Variants in SMCHD1 observed in about 807,000 individuals in gnomAD.
SMCHD1 encodes structural maintenance of chromosomes flexible hinge domain containing 1.
In SMCHD1, 78 loss-of-function variants were observed where a neutral mutation model predicts 254.7. That is an observed-to-expected ratio of 0.31 (90% confidence interval 0.26 to 0.37). SMCHD1 has a LOEUF of 0.37. Ranked by LOEUF, SMCHD1 falls within the 10% of genes least tolerant of loss-of-function variation. SMCHD1 has a pLI of 1.00. For missense variants in SMCHD1, 1,840 were observed against 2,408.1 expected (o/e 0.76, Z 4.94); for synonymous variants, 766 against 794.9 (o/e 0.96, Z 0.61).
At chr18:2,667,597 A>T (rs1298428984) in intron 3 of SMCHD1, among the ~76,000 whole-genome samples, 1 of 152,158 alleles carries the variant, frequency 6.6e-6, no homozygotes, top group Non-Finnish European at 1.5e-5. Context: ...TTGTATTAAA[A>T]TTATTTTTTT....
intron 5 of SMCHD1, among the ~76,000 whole-genome samples, chr18:2,686,632 GT>G: frequency 6.6e-6 from 1 of 152,022 alleles, no homozygotes; most frequent in Non-Finnish European, 1.5e-5. Context: ...GTGTGTTTGT[GT>G]ATTGTGTGAG....
At position 2,744,377 on chromosome 18, in the gene SMCHD1, A is replaced by G. The variant is rs75403082; in HGVS notation, c.3801+449A>G. On this transcript the variant is annotated intron_variant, in intron 29 of 47. Coordinates refer to ENST00000320876, the MANE Select transcript of SMCHD1 (RefSeq NM_015295.3). ...ATACTTCGGTATGCCTTCCTATGCA[A>G]GTACTTAAATTTTAAATACTAATTT... is the stretch of plus-strand genomic sequence containing the variant. Among the ~76,000 whole-genome samples, 944 of 152,226 alleles carry G rather than the reference A, an allele frequency of 6.2e-3. 9 individuals are homozygous for G. Among genetic ancestry groups the G allele is most frequent in the African/African-American group, 0.022 (896 of 41,540 alleles).
At position 2,743,944 on chromosome 18, in the gene SMCHD1, T is replaced by C. The variant is rs771051502; in HGVS notation, c.3801+16T>C. 1 of 1,576,338 alleles carries C rather than the reference T, an allele frequency of 6.3e-7. No homozygotes were observed. Among genetic ancestry groups the C allele is most frequent in the Non-Finnish European group, 8.6e-7 (1 of 1,160,884 alleles). ...ACTAAAGGAGGTAAGTCACTTCATG[T>C]CTTCACTGAAAGAATTTAATATCAT... On this transcript the variant is annotated intron_variant, in intron 29 of 47. Coordinates refer to ENST00000320876, the MANE Select transcript of SMCHD1 (RefSeq NM_015295.3).
chr18:2,784,288 A>C (rs1440556529), intron 44 of SMCHD1, among the ~76,000 whole-genome samples, 162 bp from the exon 45 acceptor site: 1 of 152,082 alleles, frequency 6.6e-6, no homozygotes, highest in Non-Finnish European at 1.5e-5. Context: ...CTGCCTCTGG[A>C]TTTTTCCCTC....
At chr18:2,708,984 A>G (rs1411166641) in intron 17 of SMCHD1, among the ~76,000 whole-genome samples, 2 of 143,664 alleles carry the variant, frequency 1.4e-5, no homozygotes, top group East Asian at 2.1e-4. Context: ...CTATCCATGT[A>G]AAGCATTTTT....
intron 1 of SMCHD1, among the ~76,000 whole-genome samples, chr18:2,662,180 A>AAAT (rs377757842): frequency 4.5e-5 from 4 of 89,868 alleles, no homozygotes; most frequent in African/African-American, 6.2e-5. Flanking sequence ...AAAAAAAAAT[A>AAAT]AAATAAATAA....
chr18:2,752,801 T>C (rs2075599872), intron 34 of SMCHD1: 1 of 367,276 alleles, frequency 2.7e-6, no homozygotes, highest in Non-Finnish European at 5.0e-6. Context: ...AAGAATTCTT[T>C]TATGTTGTCA....
intron 15 of SMCHD1, chr18:2,706,697 G>T: frequency 2.6e-6 from 1 of 382,134 alleles, no homozygotes; most frequent in Non-Finnish European, 4.8e-6. Context: ...TATCTAAAGT[G>T]TCACTTTTAT....
At chr18:2,755,010 T>G (rs1195909983) in intron 34 of SMCHD1, among the ~76,000 whole-genome samples, 1 of 152,118 alleles carries the variant, frequency 6.6e-6, no homozygotes, top group African/African-American at 2.4e-5. Flanking sequence ...ATATTGACCT[T>G]GTAGCAGTTA....
intron 35 of SMCHD1, among the ~76,000 whole-genome samples, 187 bp downstream of exon 35, chr18:2,760,926 A>G (rs1341768813): frequency 6.6e-6 from 1 of 152,216 alleles, no homozygotes. Context: ...AAATTAGTAT[A>G]TAATATGTTT....
rs1008517374 is a variant in SMCHD1 at position 2,777,835 on chromosome 18, T to G, written c.5396T>G (p.Leu1799Trp). The stretch of plus-strand genomic sequence containing the variant: ...CTACCTCATTTCCGAAATGGAAAAT[T>G]GTATTTTAAACCCATTGGAGATCCA... ...RSLPHFRNGKLYFKPIGDPVF... is the reference protein window; with the variant it reads ...RSLPHFRNGKWYFKPIGDPVF... The change falls in exon 43 of 48, where the codon TTG becomes TGG. Residue 1799 changes from leucine to tryptophan, a missense_variant. By Grantham distance (61) the Leu-to-Trp change is moderately conservative. This residue lies in a region of SMCHD1 where 114 missense variants were observed against 217.6 expected (regional missense o/e 0.52). Transcript: ENST00000320876. The G allele has an allele frequency of 1.7e-5, 26 of 1,543,118 alleles. No individual in the cohort carries two copies. The highest frequency in any genetic ancestry group is 6.0e-5 in the Admixed American group (3 of 50,390).
Position 2,656,250 on chromosome 18 carries a change from T to C in SMCHD1, c.175T>C (p.Cys59Arg). The change falls in exon 1 of 48, where the codon TGT becomes CGT. Residue 59 changes from cysteine (C) to arginine (R), a missense_variant. By Grantham distance (180) the Cys-to-Arg change is radical. Coordinates refer to ENST00000320876, the MANE Select transcript of SMCHD1 (RefSeq NM_015295.3). The part of the protein sequence containing the change: ...ERSDYAGFRA[C>R]VCQTLGISPE... Reference sequence around the variant, plus strand: ...CTCGGACTACGCGGGATTTCGCGCGTGTGTGTGTCAGGTACGCGAAGGGGC... The same window carrying C: ...CTCGGACTACGCGGGATTTCGCGCGCGTGTGTGTCAGGTACGCGAAGGGGC... The C allele has an allele frequency of 6.7e-7, 1 of 1,494,514 alleles. No homozygotes were observed. Among genetic ancestry groups the C allele is most frequent in the Middle Eastern group, 1.8e-4 (1 of 5,674 alleles). 92.6% of individuals were successfully genotyped at this position (1,494,514 alleles called of 1,614,324 possible).
chr18:2,784,588 C>G lies in SMCHD1; in HGVS notation c.5686C>G (p.Pro1896Ala), dbSNP rs769617610. The change falls in exon 45 of 48, where the codon CCA becomes GCA. Residue 1896 changes from proline to alanine, a missense_variant. Pro to Ala is a conservative substitution (Grantham distance 27). Coordinates refer to ENST00000320876, the MANE Select transcript of SMCHD1 (RefSeq NM_015295.3). Reference protein sequence around the residue: ...LRGMVFGAPVPKQCLILGEQI... With the variant: ...LRGMVFGAPVAKQCLILGEQI... ...GGGAATGGTATTTGGAGCTCCAGTT[C>G]CAAAACAGTGTCTGATCTTAGGGGA... 1 of 1,605,870 alleles carries G rather than the reference C, an allele frequency of 6.2e-7. No individual in the cohort carries two copies. The highest frequency in any genetic ancestry group is 1.7e-5 in the Admixed American group (1 of 58,164).
chr18:2,702,114 C>A (rs2074413498), intron 12 of SMCHD1: 1 of 151,888 alleles, frequency 6.6e-6, no homozygotes, highest in Non-Finnish European at 1.5e-5. Flanking sequence ...TAAGTTAATT[C>A]TATTCCTTTG....
rs967692754 is a variant in SMCHD1, at chr18:2,718,867, A to G, written c.2458+433A>G. Among the ~76,000 whole-genome samples, 16 of 152,112 alleles carry G rather than the reference A, an allele frequency of 1.1e-4. No homozygotes were observed. The highest frequency in any genetic ancestry group is 1.9e-4 in the Non-Finnish European group (13 of 67,980). ...CGTGCCCGGCCCATTTTGATTTTCA[A>G]ATAGCTTTGTAAGTCTACTCGATAA... On this transcript the variant is annotated intron_variant, in intron 19 of 47. Coordinates refer to ENST00000320876, the MANE Select transcript of SMCHD1 (RefSeq NM_015295.3). This position sits in a 1 kb window ranked among gnomAD's most constrained non-coding sequence, Gnocchi z 4.6.
intron 41 of SMCHD1, among the ~76,000 whole-genome samples, chr18:2,774,908 G>A (rs1414466766): frequency 7.2e-5 from 11 of 152,208 alleles, no homozygotes; most frequent in Admixed American, 5.2e-4. Flanking sequence ...ACGCACATGC[G>A]TGAGATATGC....
chr18:2,670,814 T>A (rs984502887), intron 3 of SMCHD1, among the ~76,000 whole-genome samples: 10 of 149,438 alleles, frequency 6.7e-5, no homozygotes, highest in Non-Finnish European at 4.4e-5. Context: ...GGCAGGAGAA[T>A]CGCTTGAACC....
intron 5 of SMCHD1, among the ~76,000 whole-genome samples, chr18:2,686,472 C>A (rs764048648): frequency 3.9e-5 from 6 of 152,128 alleles, no homozygotes; most frequent in Non-Finnish European, 5.9e-5. Context: ...CAGCTTGCAT[C>A]GTTTATAAGG....
chr18:2,697,891 G>A lies in SMCHD1; in HGVS notation c.1192G>A (p.Asp398Asn). ...TGTCAACCTAAGGGAAATACAAGAC[G>A]ACATGCAGACGTTGTATGTAAACAC... ...KIVNLREIQD[D>N]MQTLYVNTAA... The change falls in exon 10 of 48, where the codon GAC (aspartate) becomes AAC (asparagine). Residue 398 changes from aspartate (D) to asparagine (N), a missense_variant. By Grantham distance (23) the Asp-to-Asn change is conservative (BLOSUM62 1). Around this residue, in one of 9 missense-constraint regions of SMCHD1, gnomAD observed 498 missense variants for 743.5 expected, o/e 0.67. Transcript: ENST00000320876. 2.5e-6 allele frequency: 4 copies of A among 1,613,550 alleles called. No individual in the cohort carries two copies. The highest frequency in any genetic ancestry group is 2.5e-6 in the Non-Finnish European group (3 of 1,179,642).
Sources: gnomAD v4.1 joint callset for allele counts (sites outside exome capture counted in the v4.1 genomes callset) on GRCh38, gnomAD v4.1.1 for gene constraint, gnomAD v4.1.1 regional missense constraint, Gnocchi (gnomAD v3.1) non-coding constraint, MANE v1.5 for transcripts, NCBI Gene and HGNC (gene_info 2026-07-23, HGNC 2026-07-21) for gene names.